Variants in NKAIN3 observed in about 807,000 individuals in gnomAD.
NKAIN3 encodes sodium/potassium-transporting ATPase subunit beta-1-interacting protein 3.
A neutral mutation model predicts 30.2 loss-of-function variants in NKAIN3; 25 were observed. The ratio of observed to expected loss-of-function variants is 0.83; its 90% confidence interval spans 0.60 to 1.16. The LOEUF is 1.16. Ranked by LOEUF, NKAIN3 falls within the 50% of genes most tolerant of loss-of-function variation. The pLI is 0.00. For missense variants in NKAIN3, 225 were observed against 254.1 expected (o/e 0.89, Z 0.78); for synonymous variants, 91 against 89.6 (o/e 1.02, Z -0.09).
At chr8:62,447,877 A>G (rs1805531444) in intron 1 of NKAIN3, among the ~76,000 whole-genome samples, 1 of 152,012 alleles carries the variant, frequency 6.6e-6, no homozygotes. Context: ...TTGATAAATT[A>G]TCAAGGTAGG....
intron 4 of NKAIN3, among the ~76,000 whole-genome samples, chr8:62,912,834 A>C (rs927447427): frequency 1.3e-5 from 2 of 152,100 alleles, no homozygotes; most frequent in African/African-American, 2.4e-5. Context: ...CCCTGAACCC[A>C]GGAGGCAGAG....
intron 1 of NKAIN3, among the ~76,000 whole-genome samples, chr8:62,575,592 T>C (rs1810083064): frequency 6.6e-6 from 1 of 152,098 alleles, no homozygotes; most frequent in Non-Finnish European, 1.5e-5. Context: ...AATGACATGC[T>C]TCACAGAAAT....
intron 1 of NKAIN3, among the ~76,000 whole-genome samples, chr8:62,327,230 A>G (rs1207097064): frequency 1.3e-5 from 2 of 151,996 alleles, no homozygotes; most frequent in African/African-American, 4.8e-5. Flanking sequence ...CTCATCAGAT[A>G]TATGATTTGT....
intron 1 of NKAIN3, among the ~76,000 whole-genome samples, chr8:62,472,378 G>A (rs1037493457): frequency 5.3e-5 from 8 of 152,258 alleles, no homozygotes; most frequent in Middle Eastern, 3.4e-3. Context: ...TTTGAGTGAT[G>A]GGCAAGATAC....
chr8:62,336,726 T>G (rs1311433353), intron 1 of NKAIN3, among the ~76,000 whole-genome samples: 1 of 152,026 alleles, frequency 6.6e-6, no homozygotes, highest in Non-Finnish European at 1.5e-5. Context: ...ACCTTATGAC[T>G]TTTGTAGACT....
intron 4 of NKAIN3, among the ~76,000 whole-genome samples, chr8:62,874,609 T>G (rs964631880): frequency 6.6e-6 from 1 of 152,180 alleles, no homozygotes; most frequent in South Asian, 2.1e-4. Context: ...ATCAAAAAAC[T>G]TATCCACCAC....
intron 3 of NKAIN3, among the ~76,000 whole-genome samples, chr8:62,664,387 A>G (rs779554243): frequency 2.0e-5 from 3 of 152,092 alleles, no homozygotes; most frequent in African/African-American, 7.2e-5. Flanking sequence ...TCCTGAACCC[A>G]CCCAAATCAA....
chr8:62,673,140 T>G (rs1438957949), intron 3 of NKAIN3, among the ~76,000 whole-genome samples: 1 of 152,238 alleles, frequency 6.6e-6, no homozygotes, highest in African/African-American at 2.4e-5. Context: ...TTTGTCTGAT[T>G]CCAGCGTCAG....
At chr8:62,577,827 T>A (rs948361060) in intron 1 of NKAIN3, among the ~76,000 whole-genome samples, 1 of 151,964 alleles carries the variant, frequency 6.6e-6, no homozygotes, top group Non-Finnish European at 1.5e-5. Flanking sequence ...CACTCCATGA[T>A]CAGGAAATAC....
intron 1 of NKAIN3, among the ~76,000 whole-genome samples, chr8:62,316,144 G>A (rs1316944635): frequency 3.3e-5 from 5 of 152,044 alleles, no homozygotes; most frequent in African/African-American, 1.2e-4. Context: ...AGTTTTCTGA[G>A]GCCTCCCCAG....
chr8:62,553,535 A>G (rs964816291), intron 1 of NKAIN3, among the ~76,000 whole-genome samples: 4 of 142,640 alleles, frequency 2.8e-5, no homozygotes, highest in African/African-American at 1.1e-4. Flanking sequence ...TTTTATACTG[A>G]ACACTTTTTT....
intron 4 of NKAIN3, among the ~76,000 whole-genome samples, chr8:62,905,993 G>T (rs549470927): frequency 6.6e-6 from 1 of 152,276 alleles, no homozygotes; most frequent in Admixed American, 6.5e-5. Context: ...CGTGCATGAG[G>T]TAACTTCTTC....
At chr8:62,816,777 G>A (rs991690650) in intron 4 of NKAIN3, among the ~76,000 whole-genome samples, 8 of 152,098 alleles carry the variant, frequency 5.3e-5, no homozygotes, top group Admixed American at 6.6e-5. Flanking sequence ...TGAGCCCCAC[G>A]GCAGGATGCA....
chr8:62,572,425 T>C (rs1418353126), intron 1 of NKAIN3, among the ~76,000 whole-genome samples: 1 of 152,206 alleles, frequency 6.6e-6, no homozygotes, highest in Non-Finnish European at 1.5e-5. Flanking sequence ...CTGTGTTCTT[T>C]TGAGCCCTCC....
At chr8:62,528,486 T>C (rs905058958) in intron 1 of NKAIN3, among the ~76,000 whole-genome samples, 10 of 151,824 alleles carry the variant, frequency 6.6e-5, no homozygotes, top group African/African-American at 2.2e-4. Flanking sequence ...TCTCCCTCTG[T>C]GTAGAATTCA....
intron 1 of NKAIN3, among the ~76,000 whole-genome samples, chr8:62,520,280 A>G (rs1384921745): frequency 6.6e-6 from 1 of 152,102 alleles, no homozygotes. Context: ...GATTTATGAT[A>G]CTTAGGGAAG....
At chr8:62,933,310 C>A (rs1327768235) in intron 5 of NKAIN3, among the ~76,000 whole-genome samples, 1 of 151,982 alleles carries the variant, frequency 6.6e-6, no homozygotes, top group Non-Finnish European at 1.5e-5. Context: ...CGGAAATGTC[C>A]AAAATTGTGA....
intron 1 of NKAIN3, among the ~76,000 whole-genome samples, chr8:62,357,471 G>A (rs1413405694): frequency 6.6e-6 from 1 of 152,068 alleles, no homozygotes; most frequent in Admixed American, 6.6e-5. Context: ...CTGTGTAATC[G>A]AAATTTTTAT....
intron 4 of NKAIN3, among the ~76,000 whole-genome samples, chr8:62,914,438 C>A (rs2130853297): frequency 6.6e-6 from 1 of 152,198 alleles, no homozygotes; most frequent in African/African-American, 2.4e-5. Flanking sequence ...TACAACAAAC[C>A]CCTGGCACAT....
Sources: allele counts gnomAD v4.1 joint callset (sites outside exome capture counted in the v4.1 genomes callset), GRCh38; gene constraint gnomAD v4.1.1; transcripts MANE v1.5; gene names NCBI Gene and HGNC (gene_info 2026-07-23, HGNC 2026-07-21).